Variants in TECPR2 observed in about 807,000 individuals in gnomAD.
The protein encoded by TECPR2 is tectonin beta-propeller repeat containing 2.
Under a neutral mutation model 138.1 loss-of-function variants are expected in TECPR2, and 65 were observed. The observed-to-expected ratio is 0.47, with a 90% CI of 0.39 to 0.58. The LOEUF (loss-of-function observed/expected upper bound fraction) is 0.58. TECPR2 is among the 20% of genes least tolerant of loss of function. The pLI, the probability that TECPR2 is intolerant of heterozygous loss-of-function variation, is 0.00. For synonymous variants in TECPR2, 746 were observed against 749.8 expected, an observed-to-expected ratio of 0.99 and a Z score of 0.08; for missense variants, 1,553 against 1,824.5, an observed-to-expected ratio of 0.85 and a Z score of 2.71.
chr14:102,370,418 G>A (rs762866952), intron 1 of TECPR2, among the ~76,000 whole-genome samples: 2 of 152,188 alleles, frequency 1.3e-5, no homozygotes, highest in African/African-American at 4.8e-5. Context: ...AATACTTACT[G>A]GTGAAGAGCT....
intron 2 of TECPR2, among the ~76,000 whole-genome samples, chr14:102,401,826 A>AAG (rs963700870): frequency 2.2e-4 from 33 of 151,252 alleles, no homozygotes; most frequent in African/African-American, 8.0e-4. Context: ...AAAAAAAAAA[A>AAG]AGAGAGACTC....
chr14:102,376,587 A>G, intron 1 of TECPR2, 63 bp from the exon 2 acceptor site: 1 of 764,198 alleles, frequency 1.3e-6, no homozygotes, highest in Non-Finnish European at 2.2e-6. Context: ...TGTTGCCAGT[A>G]TTAAACATAC....
At chr14:102,366,091 AT>A (rs1409700144) in intron 1 of TECPR2, among the ~76,000 whole-genome samples, 6 of 152,302 alleles carry the variant, frequency 3.9e-5, no homozygotes, top group Non-Finnish European at 8.8e-5. Context: ...CTCTGATAAC[AT>A]GGTTATTGTA....
At chr14:102,377,569 GGT>G (rs1234137033) in intron 2 of TECPR2, among the ~76,000 whole-genome samples, 2 of 152,134 alleles carry the variant, frequency 1.3e-5, no homozygotes, top group Non-Finnish European at 2.9e-5. Context: ...AGCTGGGCGT[GGT>G]GGCATGCACC....
At chr14:102,484,270 CTGT>C (rs1456615296) in intron 17 of TECPR2, among the ~76,000 whole-genome samples, 2 of 152,124 alleles carry the variant, frequency 1.3e-5, no homozygotes, top group African/African-American at 4.8e-5. Context: ...CTGAAAGTTC[CTGT>C]TGTTGTTTGA....
At chr14:102,497,501 G>C in intron 18 of TECPR2, 69 bp from the exon 19 acceptor site, 1 of 1,415,930 alleles carries the variant, frequency 7.1e-7, no homozygotes, top group Non-Finnish European at 9.2e-7. Flanking sequence ...CGTCACAAGA[G>C]TCGGCTTGGG....
chr14:102,399,491 A>G (rs8023091), intron 2 of TECPR2, among the ~76,000 whole-genome samples: 5,731 of 152,246 alleles, frequency 0.038, 121 homozygotes, highest in Middle Eastern at 0.088. Context: ...AGTCCTGCAG[A>G]GGGAAATTAA....
At chr14:102,482,683 G>A (rs1890918795) in intron 17 of TECPR2, among the ~76,000 whole-genome samples, 1 of 152,096 alleles carries the variant, frequency 6.6e-6, no homozygotes, top group South Asian at 2.1e-4. Flanking sequence ...CTTTTTGGAG[G>A]TATTGCATGT....
rs1889285508 is a variant in TECPR2, at chr14:102,425,260, A to G, written c.920A>G (p.Tyr307Cys). ...GGCTGGGTGCTGAGTTGGAATGAAT[A>G]TAGTATCTATCTCCTAGACACAGTC... ...QEGWVLSWNE[Y>C]SIYLLDTVNQ... The change falls in exon 6 of 20, where the codon TAT becomes TGT. Residue 307 changes from tyrosine to cysteine, a missense_variant. Transcript: ENST00000359520. 6.2e-7 allele frequency: 1 copy of G among 1,608,480 alleles called. No individual in the cohort carries two copies. The highest frequency in any genetic ancestry group is 1.3e-5 in the African/African-American group (1 of 74,752).
At position 102,420,110 on chromosome 14, in the gene TECPR2, A is replaced by G. The variant is rs760325232; in HGVS notation, c.639-4869A>G. On this transcript the variant is annotated intron_variant, in intron 5 of 19. Transcript: ENST00000359520. The surrounding 1 kb of genome is among the most constrained non-coding windows in gnomAD (Gnocchi z 4.1). ...TATCAGCTCTGTGGCACCATACATT[A>G]TGCACAAAATCATAAAACACCATTT... Among the ~76,000 whole-genome samples the G allele has an allele frequency of 2.0e-5, 3 of 152,200 alleles. No homozygotes were observed. The highest frequency in any genetic ancestry group is 4.4e-5 in the Non-Finnish European group (3 of 68,044).
intron 5 of TECPR2, among the ~76,000 whole-genome samples, chr14:102,418,026 G>T (rs1476358554): frequency 6.6e-6 from 1 of 152,150 alleles, no homozygotes; most frequent in Non-Finnish European, 1.5e-5. Flanking sequence ...GGAAGGCTGG[G>T]CCAGAGGTCA....
At position 102,434,953 on chromosome 14, in the gene TECPR2, C is replaced by A. The variant is rs769031744; in HGVS notation, c.2136C>A (p.Pro712=). The A allele has an allele frequency of 3.1e-6, 5 of 1,614,110 alleles. No individual in the cohort carries two copies. Among genetic ancestry groups the A allele is most frequent in the Non-Finnish European group, 4.2e-6 (5 of 1,180,042 alleles). ...TDDDTGQKEI[P]ISERVLGSVG... ...ATGACACAGGTCAGAAAGAAATACCCATTTCTGAACGTGTCTTGGGGAGTG... is the reference window on the plus strand; with the variant it reads ...ATGACACAGGTCAGAAAGAAATACCAATTTCTGAACGTGTCTTGGGGAGTG... The change falls in exon 9 of 20, where the codon CCC becomes CCA. Residue 712 remains proline, a synonymous_variant. Coordinates refer to ENST00000359520, the MANE Select transcript of TECPR2 (RefSeq NM_014844.5).
At chr14:102,442,661 G>A (rs1274877639) in intron 11 of TECPR2, among the ~76,000 whole-genome samples, 1 of 152,192 alleles carries the variant, frequency 6.6e-6, no homozygotes, top group Non-Finnish European at 1.5e-5. Flanking sequence ...CAATCCCTCT[G>A]GAGACTGCTC....
At chr14:102,474,841 C>A (rs1212228307) in intron 17 of TECPR2, among the ~76,000 whole-genome samples, 1 of 152,122 alleles carries the variant, frequency 6.6e-6, no homozygotes, top group Admixed American at 6.6e-5. Context: ...GTTGTCCCCC[C>A]TTCCCCCTGC....
Position 102,409,403 on chromosome 14 carries a change from G to A in TECPR2, c.480+784G>A, listed in dbSNP as rs9324047. ...CAACCTCCATATCCCGGGTTCAAGCGATTCTGCCACCTCAGCCTCGCAAGT... is the reference window on the plus strand; with the variant it reads ...CAACCTCCATATCCCGGGTTCAAGCAATTCTGCCACCTCAGCCTCGCAAGT... On this transcript the variant is annotated intron_variant, in intron 4 of 19. Transcript: ENST00000359520. 5.9e-3 allele frequency among the ~76,000 whole-genome samples: 897 copies of A among 151,898 alleles called. 10 individuals are homozygous for A. The highest frequency in any genetic ancestry group is 0.021 in the African/African-American group (854 of 41,410).
intron 4 of TECPR2, 52 bp from the exon 5 acceptor site, chr14:102,414,583 TC>T: frequency 6.2e-7 from 1 of 1,601,458 alleles, no homozygotes; most frequent in Non-Finnish European, 8.5e-7. Flanking sequence ...CTAAGGGAGG[TC>T]CATTCTTTAG....
chr14:102,378,344 A>G (rs1887695996), intron 2 of TECPR2, among the ~76,000 whole-genome samples: 1 of 152,370 alleles, frequency 6.6e-6, no homozygotes, highest in South Asian at 2.1e-4. Flanking sequence ...GTTCATACAC[A>G]TACAGCCCTT....
chr14:102,431,555 G>A (rs568393469), intron 7 of TECPR2, among the ~76,000 whole-genome samples: 2 of 152,032 alleles, frequency 1.3e-5, no homozygotes, highest in Admixed American at 6.6e-5. Flanking sequence ...TGTTAGCCAG[G>A]ATGGTCTTGA....
intron 13 of TECPR2, among the ~76,000 whole-genome samples, chr14:102,446,669 G>A (rs529274138): frequency 6.6e-6 from 1 of 152,276 alleles, no homozygotes; most frequent in African/African-American, 2.4e-5. Context: ...GGGATTACAA[G>A]TGGAGCCACC....
Sources: gnomAD v4.1 joint callset for allele counts (sites outside exome capture counted in the v4.1 genomes callset) on GRCh38, gnomAD v4.1.1 for gene constraint, Gnocchi (gnomAD v3.1) non-coding constraint, MANE v1.5 for transcripts, NCBI Gene and HGNC (gene_info 2026-07-23, HGNC 2026-07-21) for gene names.